RGS17: variants seen among roughly 807,000 people sequenced by gnomAD.
The protein encoded by RGS17 is regulator of G protein signaling 17, also known as regulator of G-protein signaling 17.
Under a neutral mutation model 25.5 loss-of-function variants are expected in RGS17, and 12 were observed. The observed-to-expected ratio is 0.47, with a 90% confidence interval of 0.30 to 0.76. The LOEUF is 0.76. Among genes scored for constraint, RGS17 ranks in the 30% least tolerant of loss-of-function variants. The probability of loss-of-function intolerance (pLI) is 0.07; values close to 1 mark genes in which losing one functional copy is unlikely to be tolerated. For missense variants in RGS17, 196 were observed against 242.2 expected (o/e 0.81, Z 1.27); for synonymous variants, 71 against 76.9 (o/e 0.92, Z 0.40).
intron 1 of RGS17, among the ~76,000 whole-genome samples, chr6:153,111,721 T>A (rs918528923): frequency 5.3e-5 from 8 of 152,182 alleles, no homozygotes; most frequent in African/African-American, 1.9e-4. Context: ...GGTGCCCCTC[T>A]GGGACAAAGC....
At chr6:153,120,846 AC>A in intron 1 of RGS17, among the ~76,000 whole-genome samples, 1 of 117,010 alleles carries the variant, frequency 8.5e-6, no homozygotes, top group African/African-American at 3.2e-5. Context: ...GCCTGGAGAC[AC>A]CTTTCTTTGT....
chr6:153,023,084 A>T (rs913963219), intron 4 of RGS17, among the ~76,000 whole-genome samples: 1 of 149,532 alleles, frequency 6.7e-6, no homozygotes, highest in Admixed American at 6.6e-5. Context: ...CTAACTAATT[A>T]AAAAAAACTA....
chr6:153,025,146 C>A (rs1378426866), intron 3 of RGS17, among the ~76,000 whole-genome samples: 4 of 149,090 alleles, frequency 2.7e-5, no homozygotes, highest in South Asian at 2.1e-4. Flanking sequence ...CCTGTCTCTG[C>A]AAAAAAAAAA....
intron 1 of RGS17, among the ~76,000 whole-genome samples, chr6:153,076,935 T>A (rs1776888513): frequency 6.6e-6 from 1 of 152,258 alleles, no homozygotes. Flanking sequence ...GAACAAAACC[T>A]TTGTATGGGG....
intron 4 of RGS17, 148 bp downstream of exon 4, chr6:153,024,114 G>C: frequency 1.6e-6 from 1 of 612,700 alleles, no homozygotes; most frequent in Non-Finnish European, 2.9e-6. Flanking sequence ...ATGTGTTCAA[G>C]GAAATTCTCC....
chr6:153,068,905 A>G (rs916974008), intron 1 of RGS17, among the ~76,000 whole-genome samples: 3 of 152,200 alleles, frequency 2.0e-5, no homozygotes, highest in Non-Finnish European at 4.4e-5. Flanking sequence ...ACAATGAGAT[A>G]TCATCTCACC....
At chr6:153,043,776 A>G (rs1033895100) in intron 2 of RGS17, 124 bp downstream of exon 2, 1 of 608,800 alleles carries the variant, frequency 1.6e-6, no homozygotes, top group Non-Finnish European at 2.9e-6. Flanking sequence ...AATAAGTCCT[A>G]CTTGCAAAGA....
At chr6:153,013,976 A>G (rs1012372978) in intron 4 of RGS17, among the ~76,000 whole-genome samples, 5 of 152,346 alleles carry the variant, frequency 3.3e-5, no homozygotes, top group South Asian at 2.1e-4. Flanking sequence ...TCTAGCTAAG[A>G]TAATTGATGG....
In RGS17 at chr6:153,005,642, C is replaced by A. The variant is rs966895673; in HGVS notation, c.*5932G>T. On this transcript the variant is annotated 3_prime_UTR_variant, in exon 5 of 5. Coordinates refer to ENST00000206262, the MANE Select transcript of RGS17 (RefSeq NM_012419.5). ...CTTTACCGTTGTGTTCTTTCAAAAA[C>A]CAAAAACCTGTGTCTAGTCACGAGA... 6.6e-5 allele frequency: 10 copies of A among 152,128 alleles called. No individual in the cohort carries two copies. The highest frequency in any genetic ancestry group is 1.7e-4 in the African/African-American group (7 of 41,412). 9.4% of individuals were successfully genotyped at this position (152,128 alleles called of 1,614,324 possible).
At chr6:153,107,317 CAG>C (rs1361154798) in intron 1 of RGS17, among the ~76,000 whole-genome samples, 4 of 152,024 alleles carry the variant, frequency 2.6e-5, no homozygotes, top group Non-Finnish European at 4.4e-5. Context: ...TGGGCAATAA[CAG>C]TGAAAATTTT....
chr6:153,104,027 A>C (rs1249732671), intron 1 of RGS17, among the ~76,000 whole-genome samples: 1 of 152,208 alleles, frequency 6.6e-6, no homozygotes, highest in Non-Finnish European at 1.5e-5. Flanking sequence ...AATTATTGAA[A>C]CATGACACAT....
intron 1 of RGS17, among the ~76,000 whole-genome samples, chr6:153,090,542 C>A (rs921041093): frequency 6.6e-5 from 10 of 151,784 alleles, no homozygotes; most frequent in African/African-American, 2.4e-4. Context: ...TCACTTGAAC[C>A]CAGGAATTGG....
At chr6:153,023,393 C>G in intron 4 of RGS17, 1 of 510,970 alleles carries the variant, frequency 2.0e-6, no homozygotes. Context: ...CTAGGAACCT[C>G]TATGTTCTCT....
chr6:153,070,925 A>G (rs942148784), intron 1 of RGS17, among the ~76,000 whole-genome samples: 1 of 150,342 alleles, frequency 6.7e-6, no homozygotes, highest in Admixed American at 6.7e-5. Flanking sequence ...GTACATGTGT[A>G]TCTGTACATG....
At position 153,009,734 on chromosome 6, in the gene RGS17, A is replaced by C. The variant is rs192944604; in HGVS notation, c.*1840T>G. 1.3e-5 allele frequency: 2 copies of C among 152,104 alleles called. No homozygotes were observed. The highest frequency in any genetic ancestry group is 1.5e-5 in the Non-Finnish European group (1 of 67,848). 9.4% of individuals were successfully genotyped at this position (152,104 alleles called of 1,614,324 possible). On this transcript the variant is annotated 3_prime_UTR_variant, in exon 5 of 5. Transcript: ENST00000206262. Reference sequence around the variant, plus strand: ...AAGTGCTGAATATGGTAGGATAGTCAGCAACGCCAGTGTAAACAGAATATT... The same window carrying C: ...AAGTGCTGAATATGGTAGGATAGTCCGCAACGCCAGTGTAAACAGAATATT...
At chr6:153,045,171 A>C (rs556596616) in intron 1 of RGS17, among the ~76,000 whole-genome samples, 2 of 152,300 alleles carry the variant, frequency 1.3e-5, no homozygotes, top group African/African-American at 4.8e-5. Flanking sequence ...TTCGACCAGA[A>C]ACAGAGCAGA....
At chr6:153,081,960 G>A (rs1776993274) in intron 1 of RGS17, among the ~76,000 whole-genome samples, 1 of 152,124 alleles carries the variant, frequency 6.6e-6, no homozygotes, top group Non-Finnish European at 1.5e-5. Flanking sequence ...TTGATGACTG[G>A]ATAAAGCTTT....
intron 1 of RGS17, among the ~76,000 whole-genome samples, chr6:153,076,445 T>C (rs1776880723): frequency 6.6e-6 from 1 of 152,176 alleles, no homozygotes; most frequent in African/African-American, 2.4e-5. Context: ...CTCTTTCCAC[T>C]GGAAAGTCTC....
chr6:153,039,289 A>G (rs1236520715), intron 2 of RGS17, among the ~76,000 whole-genome samples: 1 of 152,160 alleles, frequency 6.6e-6, no homozygotes, highest in African/African-American at 2.4e-5. Context: ...AAATAGACAC[A>G]ACATTTTCCA....
Sources: gnomAD v4.1 joint callset for allele counts (sites outside exome capture counted in the v4.1 genomes callset) on GRCh38, gnomAD v4.1.1 for gene constraint, MANE v1.5 for transcripts, NCBI Gene and HGNC (gene_info 2026-07-23, HGNC 2026-07-21) for gene names.